FBN3: variants seen among roughly 807,000 people sequenced by gnomAD.
The protein encoded by FBN3 is fibrillin 3.
Under a neutral mutation model 330.1 loss-of-function variants are expected in FBN3, and 234 were observed. The ratio of observed to expected loss-of-function variants is 0.71; its 90% CI spans 0.64 to 0.79. The LOEUF is 0.79. Among genes scored for constraint, FBN3 ranks in the 30% least tolerant of loss-of-function variants. The pLI, the probability that FBN3 is intolerant of heterozygous loss-of-function variation, is 0.00. For synonymous variants in FBN3, 1,458 were observed against 1,517.3 expected, an observed-to-expected ratio of 0.96 and a Z score of 0.91; for missense variants, 3,606 against 3,886.9, an observed-to-expected ratio of 0.93 and a Z score of 1.92.
chr19:8,129,403 G>A lies in FBN3; in HGVS notation c.2045-38C>T. On this transcript the variant is annotated intron_variant, in intron 16 of 63. Coordinates refer to ENST00000600128, the MANE Select transcript of FBN3 (RefSeq NM_032447.5). This position sits in a 1 kb window ranked among gnomAD's most constrained non-coding sequence, Gnocchi z 4.5. Reference sequence around the variant, plus strand: ...GAGGGTGTGTCAGCAGCAGCAGAAGGAGGGTGTGTCCGAGGCAGGAGGAGG... The same window carrying A: ...GAGGGTGTGTCAGCAGCAGCAGAAGAAGGGTGTGTCCGAGGCAGGAGGAGG... 6.2e-7 allele frequency: 1 copy of A among 1,610,158 alleles called. No homozygotes were observed. The highest frequency in any genetic ancestry group is 8.5e-7 in the Non-Finnish European group (1 of 1,177,990).
At chr19:8,101,346 G>A (rs1324981239) in intron 40 of FBN3, among the ~76,000 whole-genome samples, 1 of 152,128 alleles carries the variant, frequency 6.6e-6, no homozygotes, top group Non-Finnish European at 1.5e-5. Flanking sequence ...AATGAATACA[G>A]CTATAAGCCC....
chr19:8,109,400 G>A lies in FBN3; in HGVS notation c.4457-12C>T, dbSNP rs1414451413. On this transcript the variant is annotated splice_polypyrimidine_tract_variant and intron_variant, in intron 35 of 63. Coordinates refer to ENST00000600128, the MANE Select transcript of FBN3 (RefSeq NM_032447.5). The surrounding 1 kb of genome is among the most constrained non-coding windows in gnomAD (Gnocchi z 5.2). Reference sequence around the variant, plus strand: ...CCCGGCCCGAGTGTCTGAACAGGCAGAAGGGGATGGTTAGTAGGTGTCAGA... The same window carrying A: ...CCCGGCCCGAGTGTCTGAACAGGCAAAAGGGGATGGTTAGTAGGTGTCAGA... 1 of 1,614,172 alleles carries A rather than the reference G, an allele frequency of 6.2e-7. No homozygotes were observed. Among genetic ancestry groups the A allele is most frequent in the East Asian group, 2.2e-5 (1 of 44,892 alleles).
intron 48 of FBN3, among the ~76,000 whole-genome samples, chr19:8,091,198 A>G (rs1371799206): frequency 6.6e-6 from 1 of 152,210 alleles, no homozygotes; most frequent in Admixed American, 6.5e-5. Context: ...CAGCCCATTG[A>G]CAGCCTACAG....
Position 8,121,474 on chromosome 19 carries a change from G to T in FBN3, c.3083-88C>A. On this transcript the variant is annotated intron_variant, in intron 24 of 63. Coordinates refer to ENST00000600128, the MANE Select transcript of FBN3 (RefSeq NM_032447.5). This position sits in a 1 kb window ranked among gnomAD's most constrained non-coding sequence, Gnocchi z 4.5. ...GGGGGGTCCCTGTCCTTTGATGGAGGTGTGGGCTAGAGGAAGCCCATCTGC... is the reference window on the plus strand; with the variant it reads ...GGGGGGTCCCTGTCCTTTGATGGAGTTGTGGGCTAGAGGAAGCCCATCTGC... The T allele has an allele frequency of 1.5e-6, 2 of 1,357,036 alleles. No homozygotes were observed. The highest frequency in any genetic ancestry group is 2.0e-6 in the Non-Finnish European group (2 of 1,012,486). 84.1% of individuals were successfully genotyped at this position (1,357,036 alleles called of 1,614,324 possible). A position where few individuals can be genotyped will look rare whatever the true frequency, so the allele number is the denominator to read the frequency against.
In FBN3 at chr19:8,131,565, G is replaced by C. The variant is rs1191128339; in HGVS notation, c.1979C>G (p.Ala660Gly). 2 of 1,607,386 alleles carry C rather than the reference G, an allele frequency of 1.2e-6. No homozygotes were observed. Among genetic ancestry groups the C allele is most frequent in the Non-Finnish European group, 8.5e-7 (1 of 1,175,278 alleles). The change falls in exon 15 of 64, where the codon GCC (alanine) becomes GGC (glycine). Residue 660 changes from alanine to glycine, a missense_variant. Coordinates refer to ENST00000600128, the MANE Select transcript of FBN3 (RefSeq NM_032447.5). This position sits in a 1 kb window ranked among gnomAD's most constrained non-coding sequence, Gnocchi z 4.5. Reference sequence around the variant, plus strand: ...AGCCGGATGCTCACCGGAGTCTTTGGCAGGACAAAGCTGGCAGGGCTCCCC... The same window carrying C: ...AGCCGGATGCTCACCGGAGTCTTTGCCAGGACAAAGCTGGCAGGGCTCCCC... ...GFGEPCQLCP[A>G]KDSAEFQALC... is the part of the protein sequence containing the mutation.
rs2083625567 is a variant in FBN3, at chr19:8,149,444, C to G, written c.-18+5G>C. ...CCCCGCCGCTGGCCCCGCGCCTTCA[C>G]CTACCTGCGAGGCGGCGCGCGTGGA... On this transcript the variant is annotated splice_donor_5th_base_variant and intron_variant, in intron 1 of 63. Coordinates refer to ENST00000600128, the MANE Select transcript of FBN3 (RefSeq NM_032447.5). The surrounding 1 kb of genome is among the most constrained non-coding windows in gnomAD (Gnocchi z 5.5). 7 of 152,156 alleles carry G rather than the reference C, an allele frequency of 4.6e-5. No individual in the cohort carries two copies. The South Asian group carries it at 1.4e-3, about 31-fold the overall frequency. 9.4% of individuals were successfully genotyped at this position (152,156 alleles called of 1,614,324 possible).
At chr19:8,081,204 G>C in intron 58 of FBN3, 85 bp from the exon 59 acceptor site, 1 of 1,489,932 alleles carries the variant, frequency 6.7e-7, no homozygotes, top group African/African-American at 1.4e-5. Context: ...GCCACCTCCA[G>C]GCAGAGGGGT....
chr19:8,117,388 T>A, intron 27 of FBN3, 76 bp downstream of exon 27: 1 of 1,545,092 alleles, frequency 6.5e-7, no homozygotes, highest in Non-Finnish European at 8.7e-7. Context: ...GGAGTTGAGG[T>A]GAGGACAGGA....
intron 63 of FBN3, among the ~76,000 whole-genome samples, chr19:8,068,803 G>T (rs1241694295): frequency 3.9e-5 from 6 of 152,108 alleles, no homozygotes; most frequent in Admixed American, 2.0e-4. Context: ...CATCCGCAAG[G>T]TCAGCTGGAT....
Position 8,126,331 on chromosome 19 carries a change from C to T in FBN3, c.2571G>A (p.Arg857=). ...ERCEIDPACA[R]GFARMTGVTC... is the part of the protein sequence containing the mutation. Reference sequence around the variant, plus strand: ...TGACACCCGTCATCCGGGCAAAGCCCCGGGCACAGGCAGGGTCTGCAACTG... The same window carrying T: ...TGACACCCGTCATCCGGGCAAAGCCTCGGGCACAGGCAGGGTCTGCAACTG... Residue 857 remains arginine, a synonymous_variant, in exon 21 of 64, where the codon CGG becomes CGA. Transcript: ENST00000600128. 1 of 1,590,608 alleles carries T rather than the reference C, an allele frequency of 6.3e-7. No individual in the cohort carries two copies. Among genetic ancestry groups the T allele is most frequent in the Non-Finnish European group, 8.5e-7 (1 of 1,170,446 alleles).
At chr19:8,077,301 G>A (rs951635367) in intron 59 of FBN3, among the ~76,000 whole-genome samples, 1 of 152,192 alleles carries the variant, frequency 6.6e-6, no homozygotes, top group African/African-American at 2.4e-5. Context: ...GCTTCCTTGA[G>A]TACAGAGATT....
At chr19:8,106,357 G>A (rs1478004732) in intron 37 of FBN3, 124 bp from the exon 38 acceptor site, 1 of 955,002 alleles carries the variant, frequency 1.0e-6, no homozygotes, top group African/African-American at 1.6e-5. Flanking sequence ...GTCCATGACT[G>A]ATAGACATTT....
chr19:8,085,363 C>A lies in FBN3; in HGVS notation c.7087G>T (p.Asp2363Tyr). The change falls in exon 56 of 64, where the codon GAT becomes TAT. Residue 2363 changes from aspartate to tyrosine, a missense_variant and splice_region_variant. By Grantham distance (160) the Asp-to-Tyr change is radical. Coordinates refer to ENST00000600128, the MANE Select transcript of FBN3 (RefSeq NM_032447.5). ...HGSGYTAEGRDVDECRMLAHL... is the reference protein window; with the variant it reads ...HGSGYTAEGRYVDECRMLAHL... The stretch of plus-strand genomic sequence containing the variant: ...GGGTCCTGAGGGCATGGGCACCCAC[C>A]TCGGCCCTCAGCAGTGTAGCCTGAG... 6.4e-7 allele frequency: 1 copy of A among 1,568,202 alleles called. No individual in the cohort carries two copies. Among genetic ancestry groups the A allele is most frequent in the Non-Finnish European group, 8.6e-7 (1 of 1,160,512 alleles).
At chr19:8,076,426 A>G (rs1341580879) in intron 59 of FBN3, among the ~76,000 whole-genome samples, 2 of 152,154 alleles carry the variant, frequency 1.3e-5, no homozygotes, top group African/African-American at 4.8e-5. Flanking sequence ...ACCTGAAGTC[A>G]GGAGTTCGAG....
Position 8,131,368 on chromosome 19 carries a change from C to T in FBN3, c.1991-80G>A. On this transcript the variant is annotated intron_variant, in intron 15 of 63. Transcript: ENST00000600128. The surrounding 1 kb of genome is among the most constrained non-coding windows in gnomAD (Gnocchi z 4.5). Reference sequence around the variant, plus strand: ...TTCAGCCACAGGCAAGGATGAGGCCCTCTGGTCTTGGGCAAGAGTTTGGGA... The same window carrying T: ...TTCAGCCACAGGCAAGGATGAGGCCTTCTGGTCTTGGGCAAGAGTTTGGGA... 6.5e-7 allele frequency: 1 copy of T among 1,539,086 alleles called. No homozygotes were observed. The highest frequency in any genetic ancestry group is 8.9e-7 in the Non-Finnish European group (1 of 1,121,586).
At position 8,131,326 on chromosome 19, in the gene FBN3, C is replaced by T. The variant is rs1226130592; in HGVS notation, c.1991-38G>A. On this transcript the variant is annotated intron_variant, in intron 15 of 63. Coordinates refer to ENST00000600128, the MANE Select transcript of FBN3 (RefSeq NM_032447.5). The surrounding 1 kb of genome is among the most constrained non-coding windows in gnomAD (Gnocchi z 4.5). ...GGACAGAGTGAGACGGGTCAGGGAG[C>T]TTAGCCATGGCTCGGATTCAGCCAC... 7.5e-6 allele frequency: 12 copies of T among 1,605,414 alleles called. No individual in the cohort carries two copies. In the African/African-American group the frequency reaches 8.0e-5, roughly 11 times the overall value.
intron 18 of FBN3, among the ~76,000 whole-genome samples, chr19:8,127,067 T>TG (rs375019322): frequency 1.3e-3 from 197 of 148,736 alleles, no homozygotes; most frequent in African/African-American, 4.5e-3. Flanking sequence ...TTGTTTTTTT[T>TG]TTTTTTTTGA....
intron 25 of FBN3, among the ~76,000 whole-genome samples, chr19:8,120,674 G>A (rs2082825866): frequency 1.3e-5 from 2 of 150,340 alleles, no homozygotes; most frequent in African/African-American, 4.9e-5. Flanking sequence ...ACAGGGTCTT[G>A]TTATGTTGCC....
chr19:8,138,621 A>T lies in FBN3; in HGVS notation c.866-57T>A, dbSNP rs1417404326. ...ACAGGACATCAGTGACCAGACCTGGATCCAAATTCCAGCTGTAGCAGCACT... is the reference window on the plus strand; with the variant it reads ...ACAGGACATCAGTGACCAGACCTGGTTCCAAATTCCAGCTGTAGCAGCACT... On this transcript the variant is annotated intron_variant, in intron 8 of 63. Transcript: ENST00000600128. The T allele has an allele frequency of 4.6e-6, 7 of 1,511,610 alleles. No individual in the cohort carries two copies. In the African/African-American group the frequency reaches 9.6e-5, roughly 21 times the overall value. 93.6% of individuals were successfully genotyped at this position (1,511,610 alleles called of 1,614,324 possible).
Sources: gnomAD v4.1 joint callset for allele counts (sites outside exome capture counted in the v4.1 genomes callset) on GRCh38, gnomAD v4.1.1 for gene constraint, Gnocchi (gnomAD v3.1) non-coding constraint, MANE v1.5 for transcripts, NCBI Gene and HGNC (gene_info 2026-07-23, HGNC 2026-07-21) for gene names.